RFTN2: variants seen among roughly 807,000 people sequenced by gnomAD.
The protein encoded by RFTN2 is raftlin-2.
RFTN2 carries 34 observed loss-of-function variants against 52.7 expected under a neutral mutation model. The ratio of observed to expected loss-of-function variants is 0.64; its 90% CI spans 0.49 to 0.86. The LOEUF (loss-of-function observed/expected upper bound fraction) is 0.86, where lower values mean the gene tolerates loss of function less well. RFTN2 is among the 40% of genes least tolerant of loss of function. The probability of loss-of-function intolerance (pLI) is 0.00; values close to 1 mark genes in which losing one functional copy is unlikely to be tolerated. For synonymous variants in RFTN2, 203 were observed against 217.7 expected (o/e 0.93, Z 0.59); for missense variants, 536 against 600.1 (o/e 0.89, Z 1.12).
chr2:197,648,739 A>T (rs183768575), intron 1 of RFTN2, among the ~76,000 whole-genome samples: 1 of 152,200 alleles, frequency 6.6e-6, no homozygotes, highest in South Asian at 2.1e-4. Flanking sequence ...CACGCGTGTT[A>T]GTCTTTCTCT....
intron 8 of RFTN2, 39 bp from the exon 9 acceptor site, chr2:197,572,319 G>T (rs751420508): frequency 6.2e-7 from 1 of 1,601,148 alleles, no homozygotes; most frequent in Non-Finnish European, 8.6e-7. Flanking sequence ...GAGTTAAAAA[G>T]ATGGGTGTTT....
At chr2:197,669,732 G>A (rs1309007084) in intron 1 of RFTN2, among the ~76,000 whole-genome samples, 1 of 152,154 alleles carries the variant, frequency 6.6e-6, no homozygotes, top group Non-Finnish European at 1.5e-5. Context: ...GCTCACCTCT[G>A]GCTGTGTGGC....
chr2:197,661,214 C>T (rs78912234), intron 1 of RFTN2, among the ~76,000 whole-genome samples: 3,601 of 142,740 alleles, frequency 0.025, 55 homozygotes, highest in Non-Finnish European at 0.037. Flanking sequence ...CTGCAAATGA[C>T]GTGATTTAAT....
chr2:197,613,484 T>C (rs1559349284), intron 7 of RFTN2, among the ~76,000 whole-genome samples: 1 of 152,224 alleles, frequency 6.6e-6, no homozygotes, highest in Non-Finnish European at 1.5e-5. Context: ...ACCATTCCTC[T>C]AGTGTCAGAG....
chr2:197,603,112 T>C (rs1355920222), intron 7 of RFTN2, among the ~76,000 whole-genome samples: 1 of 152,178 alleles, frequency 6.6e-6, no homozygotes, highest in African/African-American at 2.4e-5. Flanking sequence ...TTAGGAGATA[T>C]ACCTAATGCT....
chr2:197,651,289 T>A (rs1441235126), intron 1 of RFTN2, among the ~76,000 whole-genome samples: 1 of 152,234 alleles, frequency 6.6e-6, no homozygotes, highest in Non-Finnish European at 1.5e-5. Context: ...TATCTATTTT[T>A]ACTTTTTTTG....
intron 1 of RFTN2, among the ~76,000 whole-genome samples, chr2:197,647,174 G>A (rs2088765246): frequency 6.6e-6 from 1 of 152,090 alleles, no homozygotes; most frequent in South Asian, 2.1e-4. Flanking sequence ...AATTTGAAGA[G>A]CCAGTCATTT....
chr2:197,604,421 T>C (rs2087927123), intron 7 of RFTN2, among the ~76,000 whole-genome samples: 2 of 152,166 alleles, frequency 1.3e-5, no homozygotes, highest in Admixed American at 1.3e-4. Context: ...ACGGCATAGG[T>C]AAAACTTACA....
At chr2:197,656,569 T>C (rs894580768) in intron 1 of RFTN2, among the ~76,000 whole-genome samples, 2 of 152,226 alleles carry the variant, frequency 1.3e-5, no homozygotes, top group Non-Finnish European at 2.9e-5. Flanking sequence ...GGTCCAGCTC[T>C]GAGAAGATAG....
intron 1 of RFTN2, among the ~76,000 whole-genome samples, chr2:197,672,086 G>T (rs772131179): frequency 1.3e-5 from 2 of 152,064 alleles, no homozygotes; most frequent in Non-Finnish European, 2.9e-5. Flanking sequence ...ATAATGAATT[G>T]TTACTTTATC....
At chr2:197,574,590 G>A (rs571543395) in intron 8 of RFTN2, among the ~76,000 whole-genome samples, 10 of 152,226 alleles carry the variant, frequency 6.6e-5, no homozygotes, top group South Asian at 2.1e-4. Flanking sequence ...ACTTTTGGCC[G>A]GGTGCAGTGG....
intron 4 of RFTN2, among the ~76,000 whole-genome samples, chr2:197,631,566 G>C (rs529145643): frequency 1.3e-5 from 2 of 152,176 alleles, no homozygotes; most frequent in East Asian, 3.9e-4. Flanking sequence ...TTTAAAAATG[G>C]TATCCTACTG....
rs995736590 is a variant in RFTN2, at chr2:197,646,415, AT to A, written c.323+67del. On this transcript the variant is annotated intron_variant, in intron 2 of 8. Transcript: ENST00000295049. ...CTTTATTCTCTGCCACTTGATTCAA[AT>A]TTTTTTTTCTTTTAGACAAAGAGAA... 2.3e-4 allele frequency: 303 copies of A among 1,290,794 alleles called. 3 individuals are homozygous for A. In the Admixed American group the frequency reaches 4.6e-3, roughly 20 times the overall value. 80.0% of individuals were successfully genotyped at this position (1,290,794 alleles called of 1,614,324 possible). A position where few individuals can be genotyped will look rare whatever the true frequency, so the allele number is the denominator to read the frequency against.
intron 7 of RFTN2, among the ~76,000 whole-genome samples, chr2:197,613,317 G>A (rs1007427137): frequency 3.3e-5 from 5 of 152,154 alleles, no homozygotes; most frequent in Non-Finnish European, 1.5e-5. Context: ...CTTAGTCATA[G>A]TGATAATCCA....
In RFTN2 at chr2:197,581,387, T is replaced by C. The variant is rs573066207; in HGVS notation, c.1234-9107A>G. Among the ~76,000 whole-genome samples the C allele has an allele frequency of 8.5e-5, 13 of 152,326 alleles. No individual in the cohort carries two copies. In the East Asian group the frequency reaches 2.3e-3, roughly 27 times the overall value. Reference sequence around the variant, plus strand: ...TTTTTTCACTATTCCCCTGCACCCATTGTCCCAGCCTCTGTTTGCTTTTAT... The same window carrying C: ...TTTTTTCACTATTCCCCTGCACCCACTGTCCCAGCCTCTGTTTGCTTTTAT... On this transcript the variant is annotated intron_variant, in intron 8 of 8. Transcript: ENST00000295049.
chr2:197,627,479 C>T (rs2088384549), intron 5 of RFTN2, among the ~76,000 whole-genome samples: 1 of 152,220 alleles, frequency 6.6e-6, no homozygotes, highest in Admixed American at 6.5e-5. Context: ...GGCATGGGTC[C>T]TGGCATATAT....
At chr2:197,638,641 G>A (rs1245493539) in intron 3 of RFTN2, among the ~76,000 whole-genome samples, 8 of 148,794 alleles carry the variant, frequency 5.4e-5, no homozygotes, top group Admixed American at 1.4e-4. Context: ...GTTTCTGCAC[G>A]TGAGATGTGT....
chr2:197,640,700 T>A (rs1357231211), intron 3 of RFTN2, among the ~76,000 whole-genome samples: 4 of 152,204 alleles, frequency 2.6e-5, no homozygotes, highest in African/African-American at 9.6e-5. Flanking sequence ...GTCTTCTGCG[T>A]CGCTCACGCC....
At chr2:197,654,827 A>G (rs1187337022) in intron 1 of RFTN2, among the ~76,000 whole-genome samples, 1 of 152,014 alleles carries the variant, frequency 6.6e-6, no homozygotes, top group Non-Finnish European at 1.5e-5. Context: ...GTGAAACGTC[A>G]ACTCTACTAA....
Sources: gnomAD v4.1 joint callset for allele counts (sites outside exome capture counted in the v4.1 genomes callset) on GRCh38, gnomAD v4.1.1 for gene constraint, MANE v1.5 for transcripts, NCBI Gene and HGNC (gene_info 2026-07-23, HGNC 2026-07-21) for gene names.